GALNT13: variants seen among roughly 807,000 people sequenced by gnomAD.
GALNT13 encodes UDP-GalNAc:polypeptide N-acetylgalactosaminyltransferase 13.
Under a neutral mutation model 64.2 loss-of-function variants are expected in GALNT13, and 28 were observed. That is an observed-to-expected ratio of 0.44 (90% CI 0.32 to 0.60). The LOEUF is 0.60. Among genes scored for constraint, GALNT13 ranks in the 20% least tolerant of loss-of-function variants. The pLI, the probability that GALNT13 is intolerant of heterozygous loss-of-function variation, is 0.05. For synonymous variants in GALNT13, 214 were observed against 224.6 expected (o/e 0.95, Z 0.42); for missense variants, 577 against 669.8 (o/e 0.86, Z 1.53).
At chr2:153,842,166 A>G in the GALNT13 span, among the ~76,000 whole-genome samples, 1 of 152,126 alleles carries the variant, frequency 6.6e-6, no homozygotes, top group African/African-American at 2.4e-5. Context: ...TCTCTCCTAC[A>G]GCATCAGAGA....
intron 9 of GALNT13, among the ~76,000 whole-genome samples, chr2:154,379,919 G>C (rs12328108): frequency 6.6e-6 from 1 of 151,952 alleles, no homozygotes; most frequent in Non-Finnish European, 1.5e-5. Context: ...AAGTGAAGTA[G>C]CAAATATCTT....
rs140516637 is a variant in GALNT13, at chr2:154,069,662, G to T, written c.143-70675G>T. 2.2e-3 allele frequency among the ~76,000 whole-genome samples: 330 copies of T among 152,018 alleles called. 2 individuals carry two copies. The highest frequency in any genetic ancestry group is 7.1e-3 in the African/African-American group (296 of 41,512). The stretch of plus-strand genomic sequence containing the variant: ...AAGAATGCATATTACCAGTTTTTAG[G>T]ATTCATTATAAAATTAGAATAGTTA... On this transcript the variant is annotated intron_variant, in intron 3 of 12. Transcript: ENST00000392825.
the GALNT13 span, among the ~76,000 whole-genome samples, chr2:153,190,562 C>G: frequency 2.0e-5 from 3 of 151,874 alleles, no homozygotes; most frequent in Non-Finnish European, 4.4e-5. Flanking sequence ...TTTGGCTATT[C>G]AGGTTCTTTT....
At chr2:153,637,214 G>A in the GALNT13 span, among the ~76,000 whole-genome samples, 23 of 152,146 alleles carry the variant, frequency 1.5e-4, no homozygotes, top group East Asian at 4.4e-3. Flanking sequence ...TCTTATGAAT[G>A]AGCGTATCTA....
the GALNT13 span, among the ~76,000 whole-genome samples, chr2:153,478,986 C>G: frequency 6.6e-6 from 1 of 152,252 alleles, no homozygotes; most frequent in East Asian, 1.9e-4. Flanking sequence ...CGAACCTGGT[C>G]TTGCTTTTTA....
At chr2:154,402,797 T>G (rs1574241814) in intron 10 of GALNT13, among the ~76,000 whole-genome samples, 1 of 152,204 alleles carries the variant, frequency 6.6e-6, no homozygotes, top group African/African-American at 2.4e-5. Flanking sequence ...TCTGAAATTT[T>G]ACTTCTTCCC....
the GALNT13 span, among the ~76,000 whole-genome samples, chr2:153,476,775 T>C: frequency 6.6e-6 from 1 of 152,186 alleles, no homozygotes; most frequent in Non-Finnish European, 1.5e-5. Context: ...GCATCTCATG[T>C]TTTAGTAACA....
chr2:154,178,995 G>C (rs1573818511), intron 4 of GALNT13, among the ~76,000 whole-genome samples: 1 of 152,138 alleles, frequency 6.6e-6, no homozygotes, highest in South Asian at 2.1e-4. Context: ...GATTTTTAGA[G>C]CTCTCAGTTT....
intron 2 of GALNT13, among the ~76,000 whole-genome samples, chr2:153,920,613 A>G (rs186295077): frequency 1.6e-4 from 25 of 152,294 alleles, no homozygotes; most frequent in Admixed American, 8.5e-4. Flanking sequence ...CACTGCAACA[A>G]AAATAAAAAT....
chr2:153,632,310 A>C, the GALNT13 span, among the ~76,000 whole-genome samples: 1 of 152,164 alleles, frequency 6.6e-6, no homozygotes, highest in African/African-American at 2.4e-5. Flanking sequence ...CCCATTACTA[A>C]CATCTCACAT....
At chr2:153,816,528 C>T in the GALNT13 span, among the ~76,000 whole-genome samples, 1 of 152,142 alleles carries the variant, frequency 6.6e-6, no homozygotes, top group Admixed American at 6.5e-5. Flanking sequence ...GCTGCTGCCA[C>T]ATTTAGAAAT....
chr2:154,271,819 T>A (rs1400923876), intron 8 of GALNT13, among the ~76,000 whole-genome samples: 2 of 151,816 alleles, frequency 1.3e-5, no homozygotes, highest in Admixed American at 6.6e-5. Context: ...AAAATGTAAG[T>A]CTCTAGTGGT....
chr2:153,793,895 G>T, the GALNT13 span, among the ~76,000 whole-genome samples: 14 of 152,220 alleles, frequency 9.2e-5, 1 homozygote, highest in South Asian at 2.7e-3. Context: ...AAAGCTGGTG[G>T]TCACAATGAT....
chr2:153,324,584 C>A, the GALNT13 span, among the ~76,000 whole-genome samples: 7 of 149,660 alleles, frequency 4.7e-5, no homozygotes, highest in African/African-American at 1.7e-4. Flanking sequence ...GTGCTTCTGG[C>A]CTTTGGCCAT....
chr2:153,342,463 G>A, the GALNT13 span, among the ~76,000 whole-genome samples: 1 of 152,140 alleles, frequency 6.6e-6, no homozygotes, highest in South Asian at 2.1e-4. Flanking sequence ...AATATGTTGG[G>A]AGCTGTGAGC....
chr2:154,340,021 GTCTAT>G (rs1333028022), intron 9 of GALNT13, among the ~76,000 whole-genome samples: 1 of 152,068 alleles, frequency 6.6e-6, no homozygotes, highest in Non-Finnish European at 1.5e-5. Flanking sequence ...TTTTAAAAAT[GTCTAT>G]TCTAATTCTG....
chr2:154,312,203 T>G (rs1694084425), intron 9 of GALNT13, among the ~76,000 whole-genome samples: 1 of 15,100 alleles, frequency 6.6e-5, no homozygotes, highest in South Asian at 0.026. Context: ...CATAAGAAAT[T>G]ACAAAAGTAT....
At chr2:153,185,842 T>C in the GALNT13 span, among the ~76,000 whole-genome samples, 1 of 152,206 alleles carries the variant, frequency 6.6e-6, no homozygotes, top group Non-Finnish European at 1.5e-5. Context: ...ATTATTTCAG[T>C]TATTTTGCAT....
At chr2:153,262,131 G>T in the GALNT13 span, among the ~76,000 whole-genome samples, 1 of 152,062 alleles carries the variant, frequency 6.6e-6, no homozygotes, top group Non-Finnish European at 1.5e-5. Context: ...AAGCATAAGG[G>T]GTCTTTCCTT....
Sources: gnomAD v4.1 joint callset for allele counts (sites outside exome capture counted in the v4.1 genomes callset) on GRCh38, gnomAD v4.1.1 for gene constraint, MANE v1.5 for transcripts, NCBI Gene and HGNC (gene_info 2026-07-23, HGNC 2026-07-21) for gene names.